Variants in CASP8 observed in about 807,000 individuals in gnomAD.
CASP8 encodes caspase-8.
Under a neutral mutation model 46.3 loss-of-function variants are expected in CASP8, and 24 were observed. The ratio of observed to expected loss-of-function variants is 0.52; its 90% CI spans 0.38 to 0.73. CASP8 has a LOEUF of 0.73. CASP8 is among the 30% of genes least tolerant of loss of function. The probability of loss-of-function intolerance (pLI) is 0.00; values close to 1 mark genes in which losing one functional copy is unlikely to be tolerated. For synonymous variants in CASP8, 188 were observed against 200.4 expected, an observed-to-expected ratio of 0.94 and a Z score of 0.52; for missense variants, 460 against 559.0, an observed-to-expected ratio of 0.82 and a Z score of 1.79.
chr2:201,266,577 C>A lies in CASP8; in HGVS notation c.91C>A (p.Pro31Thr). ...CAAGTTCCTGAGCCTGGACTACATT[C>A]CGCAAAGGAAGCAAGAACCCATCAA... Reference protein sequence around the residue: ...SLKFLSLDYIPQRKQEPIKDA... With the variant: ...SLKFLSLDYITQRKQEPIKDA... The change falls in exon 2 of 9, where the codon CCG becomes ACG. Residue 31 changes from proline (P) to threonine (T), a missense_variant. Pro to Thr is a conservative substitution (Grantham distance 38). Coordinates refer to ENST00000673742, the MANE Select transcript of CASP8 (RefSeq NM_001372051.1). This position sits in a 1 kb window ranked among gnomAD's most constrained non-coding sequence, Gnocchi z 5.7. 6.2e-7 allele frequency: 1 copy of A among 1,614,184 alleles called. No homozygotes were observed. The highest frequency in any genetic ancestry group is 8.5e-7 in the Non-Finnish European group (1 of 1,180,026).
rs999368756 is a variant in CASP8, at chr2:201,266,580, C to G, written c.94C>G (p.Gln32Glu). Residue 32 changes from glutamine to glutamate, a missense_variant, in exon 2 of 9, where the codon CAA (glutamine) becomes GAA (glutamate). By Grantham distance (29) the Gln-to-Glu change is conservative. Transcript: ENST00000673742. The surrounding 1 kb of genome is among the most constrained non-coding windows in gnomAD (Gnocchi z 5.7). ...GTTCCTGAGCCTGGACTACATTCCGCAAAGGAAGCAAGAACCCATCAAGGA... is the reference window on the plus strand; with the variant it reads ...GTTCCTGAGCCTGGACTACATTCCGGAAAGGAAGCAAGAACCCATCAAGGA... ...LKFLSLDYIP[Q>E]RKQEPIKDAL... 1.5e-5 allele frequency: 24 copies of G among 1,614,048 alleles called. No individual in the cohort carries two copies. Among genetic ancestry groups the G allele is most frequent in the Non-Finnish European group, 1.9e-5 (22 of 1,180,034 alleles).
chr2:201,279,601 C>T (rs903095358), intron 7 of CASP8, among the ~76,000 whole-genome samples: 4 of 152,190 alleles, frequency 2.6e-5, no homozygotes, highest in Admixed American at 6.6e-5. Flanking sequence ...TTTTAATGGA[C>T]TAATTAGTCA....
rs140233785 is a variant in CASP8, at chr2:201,247,860, A to G, written c.-27+13748A>G. On this transcript the variant is annotated intron_variant, in intron 2 of 6. Transcript: ENST00000264274. Reference sequence around the variant, plus strand: ...AGCGTTTCACTGTTTTAGCCAGGATAGTCTCGATCTCCTGACCTCGTGATC... The same window carrying G: ...AGCGTTTCACTGTTTTAGCCAGGATGGTCTCGATCTCCTGACCTCGTGATC... Among the ~76,000 whole-genome samples the G allele has an allele frequency of 1.2e-3, 181 of 152,222 alleles. 1 individual carries two copies. The highest frequency in any genetic ancestry group is 8.5e-3 in the East Asian group (44 of 5,176).
intron 5 of CASP8, among the ~76,000 whole-genome samples, chr2:201,274,483 T>G (rs2125285743): frequency 6.6e-6 from 1 of 152,288 alleles, no homozygotes; most frequent in South Asian, 2.1e-4. Context: ...TTTATTTCAT[T>G]TATTTATTTG....
intron 2 of CASP8, chr2:201,241,176 G>A (rs1946283531): frequency 6.6e-6 from 1 of 151,844 alleles, no homozygotes; most frequent in African/African-American, 2.4e-5. Flanking sequence ...ATTAGTGAAG[G>A]AAATAACAAA....
At chr2:201,268,001 A>C (rs1392235995) in intron 2 of CASP8, among the ~76,000 whole-genome samples, 1 of 152,166 alleles carries the variant, frequency 6.6e-6, no homozygotes, top group Non-Finnish European at 1.5e-5. Flanking sequence ...ATCTCGGCTC[A>C]CTGCAACATC....
chr2:201,273,384 C>G (rs1043975548), intron 5 of CASP8, among the ~76,000 whole-genome samples: 5 of 152,106 alleles, frequency 3.3e-5, no homozygotes, highest in African/African-American at 1.2e-4. Flanking sequence ...AGACCTGTAG[C>G]CCAAGCTGGC....
At chr2:201,248,184 T>G (rs1392044484) in intron 2 of CASP8, among the ~76,000 whole-genome samples, 1 of 152,180 alleles carries the variant, frequency 6.6e-6, no homozygotes, top group Non-Finnish European at 1.5e-5. Context: ...TTTCGGTAAT[T>G]AAGCAGGTAA....
At chr2:201,247,407 G>C (rs1225839894) in intron 2 of CASP8, among the ~76,000 whole-genome samples, 1 of 151,556 alleles carries the variant, frequency 6.6e-6, no homozygotes, top group Non-Finnish European at 1.5e-5. Flanking sequence ...CCTTCCTTCT[G>C]TCTGTGACCT....
intron 1 of CASP8, among the ~76,000 whole-genome samples, chr2:201,265,744 C>T (rs1326227420): frequency 1.3e-5 from 2 of 152,146 alleles, no homozygotes; most frequent in African/African-American, 4.8e-5. Flanking sequence ...CCATCCCAGA[C>T]ACTTTGTAGT....
chr2:201,255,107 G>A (rs947103462), intron 2 of CASP8, among the ~76,000 whole-genome samples: 1 of 152,122 alleles, frequency 6.6e-6, no homozygotes, highest in Non-Finnish European at 1.5e-5. Flanking sequence ...TTGTTGAGAC[G>A]GAGTGTCCCT....
At chr2:201,274,096 C>T (rs1948471424) in intron 5 of CASP8, among the ~76,000 whole-genome samples, 1 of 152,114 alleles carries the variant, frequency 6.6e-6, no homozygotes, top group African/African-American at 2.4e-5. Flanking sequence ...TTTACGTTGG[C>T]TCTTTGTGGT....
intron 2 of CASP8, among the ~76,000 whole-genome samples, chr2:201,254,498 C>T (rs189792550): frequency 5.3e-5 from 8 of 152,208 alleles, no homozygotes; most frequent in Non-Finnish European, 8.8e-5. Flanking sequence ...GAAAGGGGAG[C>T]GGCCCCGTTG....
chr2:201,274,961 G>T lies in CASP8; in HGVS notation c.660+8G>T. On this transcript the variant is annotated splice_region_variant and intron_variant, in intron 6 of 8. Coordinates refer to ENST00000673742, the MANE Select transcript of CASP8 (RefSeq NM_001372051.1). ...CAGGATAGTGAATCACAGGTAGACG[G>T]AAACCTCCAAATCCTTTTTTTTACA... 6.3e-7 allele frequency: 1 copy of T among 1,598,710 alleles called. No individual in the cohort carries two copies.
intron 7 of CASP8, among the ~76,000 whole-genome samples, chr2:201,279,380 G>C (rs1948854139): frequency 6.6e-6 from 1 of 152,224 alleles, no homozygotes; most frequent in Non-Finnish European, 1.5e-5. Context: ...CTGGTGGCAT[G>C]GAGTCAGATC....
chr2:201,276,890 C>G lies in CASP8; in HGVS notation c.724C>G (p.His242Asp). Residue 242 changes from histidine to aspartate, a missense_variant, in exon 7 of 9, where the codon CAC (histidine) becomes GAC (aspartate). By Grantham distance (81) the His-to-Asp change is moderately conservative. Transcript: ENST00000673742. ...PRGYCLIINNHNFAKAREKVP... is the reference protein window; with the variant it reads ...PRGYCLIINNDNFAKAREKVP... ...GGGATACTGTCTGATCATCAACAATCACAATTTTGCAAAAGCACGGGAGAA... is the reference window on the plus strand; with the variant it reads ...GGGATACTGTCTGATCATCAACAATGACAATTTTGCAAAAGCACGGGAGAA... The G allele has an allele frequency of 6.2e-7, 1 of 1,614,042 alleles. No individual in the cohort carries two copies. Among genetic ancestry groups the G allele is most frequent in the Non-Finnish European group, 8.5e-7 (1 of 1,179,916 alleles).
intron 2 of CASP8, chr2:201,269,713 T>C (rs1255765815): frequency 1.3e-5 from 10 of 770,954 alleles, no homozygotes; most frequent in Admixed American, 2.0e-5. Context: ...CAGAAGCTAA[T>C]AAATATGCTA....
chr2:201,279,205 T>C (rs10931936), intron 7 of CASP8, among the ~76,000 whole-genome samples: 109,148 of 151,958 alleles, frequency 0.72, 39,494 homozygotes, highest in South Asian at 0.83. Flanking sequence ...ATTCATACCT[T>C]CCTCTCATAG....
chr2:201,246,779 GT>G (rs1946539565), intron 2 of CASP8, among the ~76,000 whole-genome samples: 1 of 152,148 alleles, frequency 6.6e-6, no homozygotes, highest in African/African-American at 2.4e-5. Flanking sequence ...AATCCCAAAA[GT>G]TGTGTCAACT....
Sources: allele counts gnomAD v4.1 joint callset (sites outside exome capture counted in the v4.1 genomes callset), GRCh38; gene constraint gnomAD v4.1.1; non-coding constraint Gnocchi (gnomAD v3.1); transcripts MANE v1.5; gene names NCBI Gene and HGNC (gene_info 2026-07-23, HGNC 2026-07-21).